Variants in ARHGEF9 observed in about 807,000 individuals in gnomAD.
ARHGEF9 encodes Cdc42 guanine nucleotide exchange factor 9, also known as rho guanine nucleotide exchange factor 9.
ARHGEF9 carries 2 observed loss-of-function variants against 41.3 expected under a neutral mutation model. The ratio of observed to expected loss-of-function variants is 0.05; its 90% CI spans 0.02 to 0.15. The LOEUF (loss-of-function observed/expected upper bound fraction) is 0.15, where lower values mean the gene tolerates loss of function less well. Among genes scored for constraint, ARHGEF9 ranks in the 10% least tolerant of loss-of-function variants. The pLI, the probability that ARHGEF9 is intolerant of heterozygous loss-of-function variation, is 1.00. For missense variants in ARHGEF9, 225 were observed against 424.7 expected (o/e 0.53, Z 4.13); for synonymous variants, 160 against 154.4 (o/e 1.04, Z -0.27).
chrX:63,671,424 A>G (rs2147294026), intron 6 of ARHGEF9: 1 of 112,527 alleles, frequency 8.9e-6, no homozygotes, highest in Admixed American at 9.4e-5. Context: ...TGACCTCCCC[A>G]AGGTAGTCTC....
intron 1 of ARHGEF9, among the ~76,000 whole-genome samples, chrX:63,778,874 A>G (rs1168299650): frequency 4.5e-5 from 5 of 112,170 alleles, no homozygotes; most frequent in Admixed American, 2.8e-4. Context: ...CTCAGCCTGG[A>G]CTTTTTGGTC....
intron 1 of ARHGEF9, among the ~76,000 whole-genome samples, chrX:63,782,342 T>G (rs1556462720): frequency 8.9e-6 from 1 of 112,252 alleles, no homozygotes; most frequent in Non-Finnish European, 1.9e-5. Flanking sequence ...TGGTAATAGT[T>G]TCAGGACTGA....
chrX:63,671,689 GAGTA>G (rs1266380075), intron 6 of ARHGEF9, among the ~76,000 whole-genome samples: 1 of 112,315 alleles, frequency 8.9e-6, no homozygotes, highest in African/African-American at 3.2e-5. Flanking sequence ...AGGTGTTTGA[GAGTA>G]AGTGTGTGAG....
At chrX:63,743,576 G>A (rs1556429385) in intron 1 of ARHGEF9, 1 of 112,490 alleles carries the variant, frequency 8.9e-6, no homozygotes, top group Non-Finnish European at 1.9e-5. Flanking sequence ...AGTGAAGAGT[G>A]TTGATTTGTT....
chrX:63,716,075 C>G (rs2053272862), intron 2 of ARHGEF9: 2 of 111,490 alleles, frequency 1.8e-5, no homozygotes, highest in African/African-American at 3.3e-5. Flanking sequence ...TTGCTTGAGT[C>G]TAGGAGTTCA....
At chrX:63,699,819 T>C (rs1304645908) in intron 3 of ARHGEF9, among the ~76,000 whole-genome samples, 1 of 112,245 alleles carries the variant, frequency 8.9e-6, no homozygotes, top group Non-Finnish European at 1.9e-5. Flanking sequence ...GAAAATTGTT[T>C]ATGATACAAT....
chrX:63,649,370 A>G (rs2048376899), intron 8 of ARHGEF9, among the ~76,000 whole-genome samples: 1 of 110,541 alleles, frequency 9.0e-6, no homozygotes, highest in East Asian at 2.8e-4. Context: ...AGGCAGAAAT[A>G]AAGATGTTCT....
chrX:63,674,728 C>T (rs1240791212), intron 5 of ARHGEF9, among the ~76,000 whole-genome samples: 3 of 111,485 alleles, frequency 2.7e-5, no homozygotes, highest in Non-Finnish European at 3.8e-5. Flanking sequence ...TATTAACGCC[C>T]ACTGTTTTAC....
rs181598999 is a variant in ARHGEF9, at chrX:63,670,736, A to G, written c.945+3302T>C. The stretch of plus-strand genomic sequence containing the variant: ...CCCTGCTGCTCCCGCATACTGCTCT[A>G]ATGTATTGATTAGTAGAGAGATGAC... On this transcript the variant is annotated intron_variant, in intron 6 of 9. Coordinates refer to ENST00000671741, the MANE Select transcript of ARHGEF9 (RefSeq NM_001353921.2). 1.3e-4 allele frequency among the ~76,000 whole-genome samples: 15 copies of G among 111,527 alleles called. No homozygotes were observed. In the East Asian group the frequency reaches 3.7e-3, roughly 27 times the overall value.
intron 1 of ARHGEF9, among the ~76,000 whole-genome samples, chrX:63,772,277 G>A (rs782161371): frequency 6.3e-5 from 7 of 111,280 alleles, no homozygotes; most frequent in East Asian, 2.9e-4. Context: ...AATGGATGTC[G>A]GTCTTCCTTC....
rs782623200 is a variant in ARHGEF9, at chrX:63,636,451, G to C, written c.*1577C>G. ...CCCAAGCAAAAAGCTGGCCAAAAGC[G>C]AGCCTGAGGGTAGCATCCCTGCCTC... On this transcript the variant is annotated 3_prime_UTR_variant, in exon 10 of 10. Coordinates refer to ENST00000671741, the MANE Select transcript of ARHGEF9 (RefSeq NM_001353921.2). 46 of 116,520 alleles carry C rather than the reference G, an allele frequency of 3.9e-4. No homozygotes were observed. The highest frequency in any genetic ancestry group is 1.4e-3 in the African/African-American group (44 of 30,980). 9.6% of individuals were successfully genotyped at this position (116,520 alleles called of 1,213,427 possible).
chrX:63,744,596 T>C (rs2055156693), intron 1 of ARHGEF9, among the ~76,000 whole-genome samples: 1 of 112,276 alleles, frequency 8.9e-6, no homozygotes, highest in African/African-American at 3.2e-5. Context: ...TTTTCTCACC[T>C]GTGAAATGGA....
At chrX:63,644,538 A>G (rs2047865044) in intron 8 of ARHGEF9, among the ~76,000 whole-genome samples, 1 of 110,677 alleles carries the variant, frequency 9.0e-6, no homozygotes, top group African/African-American at 3.3e-5. Flanking sequence ...GGATATACTT[A>G]CTGTGGAAAG....
intron 4 of ARHGEF9, among the ~76,000 whole-genome samples, chrX:63,683,815 C>A (rs1198332536): frequency 9.0e-6 from 1 of 110,556 alleles, no homozygotes; most frequent in Non-Finnish European, 1.9e-5. Context: ...AAAATTGGGC[C>A]CATATTTTAG....
At chrX:63,674,296 C>T (rs1373837720) in intron 5 of ARHGEF9, 129 bp from the exon 6 acceptor site, 10 of 717,878 alleles carry the variant, frequency 1.4e-5, no homozygotes, top group African/African-American at 8.5e-5. Context: ...GATGGGAACC[C>T]ACACCACCTA....
intron 2 of ARHGEF9, among the ~76,000 whole-genome samples, chrX:63,717,730 T>C (rs1421887126): frequency 8.9e-6 from 1 of 112,195 alleles, no homozygotes; most frequent in Non-Finnish European, 1.9e-5. Context: ...GTGTTTCCTA[T>C]GTGTCAGATC....
intron 1 of ARHGEF9, among the ~76,000 whole-genome samples, chrX:63,757,783 T>A (rs1218417639): frequency 8.0e-5 from 9 of 112,377 alleles, no homozygotes; most frequent in Non-Finnish European, 1.5e-4. Flanking sequence ...GTTTTGCTCT[T>A]GTCAATCTTG....
At chrX:63,720,477 A>G (rs1198026929) in intron 2 of ARHGEF9, among the ~76,000 whole-genome samples, 1 of 112,423 alleles carries the variant, frequency 8.9e-6, no homozygotes, top group Non-Finnish European at 1.9e-5. Flanking sequence ...GTTTTCAACA[A>G]AAAATTGCAA....
intron 6 of ARHGEF9, among the ~76,000 whole-genome samples, chrX:63,666,453 T>TACACACACACACACACACACACAC (rs782805278): frequency 2.3e-4 from 19 of 81,263 alleles, no homozygotes; most frequent in African/African-American, 8.7e-4. Flanking sequence ...TATATATACA[T>TACACACACACACACACACACACAC]ACACACACAC....
Sources: allele counts gnomAD v4.1 joint callset (sites outside exome capture counted in the v4.1 genomes callset), GRCh38; gene constraint gnomAD v4.1.1; transcripts MANE v1.5; gene names NCBI Gene and HGNC (gene_info 2026-07-23, HGNC 2026-07-21).